CCDC110: variants seen among roughly 807,000 people sequenced by gnomAD.
CCDC110 encodes the protein coiled-coil domain containing 110, also known as coiled-coil domain-containing protein 110.
CCDC110 carries 70 observed loss-of-function variants against 77.1 expected under a neutral mutation model. The ratio of observed to expected loss-of-function variants is 0.91; its 90% CI spans 0.75 to 1.11. The LOEUF (loss-of-function observed/expected upper bound fraction) is 1.11. Ranked by LOEUF, CCDC110 falls within the 50% of genes least tolerant of loss-of-function variation. The pLI is 0.00. For synonymous variants in CCDC110, 295 were observed against 312.5 expected (o/e 0.94, Z 0.59); for missense variants, 868 against 942.9 (o/e 0.92, Z 1.04).
chr4:185,460,425 T>C (rs2095644000), intron 5 of CCDC110, among the ~76,000 whole-genome samples, 187 bp from the exon 6 acceptor site: 1 of 152,352 alleles, frequency 6.6e-6, no homozygotes, highest in East Asian at 1.9e-4. Flanking sequence ...GTAACTCTGG[T>C]CCTCACAATT....
intron 2 of CCDC110, chr4:185,470,674 G>C (rs1422247064): frequency 1.8e-6 from 1 of 559,210 alleles, no homozygotes; most frequent in South Asian, 1.5e-5. Context: ...CTCGCTGCCT[G>C]TGTGACCTTA....
Position 185,463,622 on chromosome 4 carries a change from T to A in CCDC110, c.116-573A>T, listed in dbSNP as rs1261411793. On this transcript the variant is annotated intron_variant, in intron 2 of 6. Coordinates refer to ENST00000307588, the MANE Select transcript of CCDC110 (RefSeq NM_152775.4). The stretch of plus-strand genomic sequence containing the variant: ...ACTTCTTTACCAAGGGGACTCTTTT[T>A]AAAGTCCTCGTTCACAGCCTGTGCT... Among the ~76,000 whole-genome samples, 8 of 152,340 alleles carry A rather than the reference T, an allele frequency of 5.3e-5. No individual in the cohort carries two copies. In the East Asian group the frequency reaches 1.3e-3, roughly 26 times the overall value.
intron 2 of CCDC110, chr4:185,470,683 T>C (rs1423220662): frequency 7.0e-6 from 4 of 570,678 alleles, no homozygotes; most frequent in Non-Finnish European, 1.0e-5. Context: ...TGTGTGACCT[T>C]AGGGAGTTAA....
chr4:185,458,571 G>C lies in CCDC110; in HGVS notation c.2016C>G (p.Ala672=), dbSNP rs138489313. The C allele has an allele frequency of 3.7e-6, 6 of 1,607,364 alleles. No individual in the cohort carries two copies. Among genetic ancestry groups the C allele is most frequent in the East Asian group, 2.2e-5 (1 of 44,716 alleles). Residue 672 remains alanine, a synonymous_variant, in exon 6 of 7, where the codon GCC becomes GCG. Coordinates refer to ENST00000307588, the MANE Select transcript of CCDC110 (RefSeq NM_152775.4). ...IENIQTYQST[A]EENFLQEIKN... ...TTATTTCTTGCAGAAAATTCTCTTC[G>C]GCAGTAGATTGGTAGGTTTGAATAT... is the stretch of plus-strand genomic sequence containing the variant.
intron 2 of CCDC110, among the ~76,000 whole-genome samples, chr4:185,466,673 G>T (rs528940224): frequency 4.6e-5 from 7 of 152,000 alleles, no homozygotes; most frequent in Admixed American, 6.6e-5. Flanking sequence ...AGGCTCAAGC[G>T]ATCCTCCCAT....
chr4:185,446,308 C>T (rs2095611102), intron 6 of CCDC110, among the ~76,000 whole-genome samples: 1 of 152,136 alleles, frequency 6.6e-6, no homozygotes, highest in Non-Finnish European at 1.5e-5. Flanking sequence ...TACATGAATT[C>T]TTTTGGGAAA....
Position 185,462,935 on chromosome 4 carries a change from T to C in CCDC110, c.171+59A>G, listed in dbSNP as rs1407335138. On this transcript the variant is annotated intron_variant, in intron 3 of 6. Transcript: ENST00000307588. Reference sequence around the variant, plus strand: ...GTTTGCATTTAGGGAGTATTTATTCTGAAAAAGATCAGCCTTTACCCAGAA... The same window carrying C: ...GTTTGCATTTAGGGAGTATTTATTCCGAAAAAGATCAGCCTTTACCCAGAA... 27 of 1,381,486 alleles carry C rather than the reference T, an allele frequency of 2.0e-5. No homozygotes were observed. The East Asian group carries it at 5.7e-4, about 29-fold the overall frequency. 85.6% of individuals were successfully genotyped at this position (1,381,486 alleles called of 1,614,324 possible). A position where few individuals can be genotyped will look rare whatever the true frequency, so the allele number is the denominator to read the frequency against.
intron 6 of CCDC110, 61 bp from the exon 7 acceptor site, chr4:185,445,603 G>A: frequency 9.4e-7 from 1 of 1,062,200 alleles, no homozygotes; most frequent in South Asian, 1.5e-5. Context: ...AATGCTTTGA[G>A]AAAAAGTATA....
chr4:185,464,838 ATT>A (rs201233841), intron 2 of CCDC110, among the ~76,000 whole-genome samples: 2 of 151,832 alleles, frequency 1.3e-5, no homozygotes, highest in East Asian at 3.9e-4. Context: ...TAGTATTTGG[ATT>A]TTTTTTTACT....
intron 6 of CCDC110, 197 bp downstream of exon 6, chr4:185,457,929 T>A: frequency 1.6e-6 from 1 of 615,482 alleles, no homozygotes; most frequent in Non-Finnish European, 2.5e-6. Context: ...ACAATGCACA[T>A]AATATAAACA....
rs780971164 is a variant in CCDC110 at position 185,459,407 on chromosome 4, CTTTCA to C, written c.1175_1179del (p.Met392ArgfsTer17). 1.6e-5 allele frequency: 25 copies of C among 1,612,114 alleles called. 1 individual carries two copies. The Middle Eastern group carries it at 2.8e-3, about 181-fold the overall frequency. On this transcript the variant is annotated frameshift_variant, in exon 6 of 7. Coordinates refer to ENST00000307588, the MANE Select transcript of CCDC110 (RefSeq NM_152775.4). LOFTEE classifies it high-confidence loss of function. ...ACTAGAAATGGTTGTCTTTCTTTGT[CTTTCA>C]TTTCATGTTTTGTTTGGTCGAGGAA...
At chr4:185,453,856 C>T (rs2153319100) in intron 6 of CCDC110, among the ~76,000 whole-genome samples, 1 of 148,660 alleles carries the variant, frequency 6.7e-6, no homozygotes, top group South Asian at 2.1e-4. Context: ...TCTTGTTGCA[C>T]AGGCTGGAGT....
chr4:185,452,888 CAAAA>C (rs70962569), intron 6 of CCDC110, among the ~76,000 whole-genome samples: 20,258 of 65,200 alleles, frequency 0.31, 1,011 homozygotes, highest in East Asian at 0.5. Context: ...GAGTGAGACT[CAAAA>C]AAAAAAAAAA....
chr4:185,458,354 G>C lies in CCDC110; in HGVS notation c.2233C>G (p.Leu745Val), dbSNP rs756049140. ...ATGCTTCTTACGTAATTTTCTAAAAGTATTTTGTCTTCAGTAAGTCTACTG... is the reference window on the plus strand; with the variant it reads ...ATGCTTCTTACGTAATTTTCTAAAACTATTTTGTCTTCAGTAAGTCTACTG... ...SISRLTEDKI[L>V]LENYVRSIEN... The change falls in exon 6 of 7, where the codon CTT becomes GTT. Residue 745 changes from leucine to valine, a missense_variant. Coordinates refer to ENST00000307588, the MANE Select transcript of CCDC110 (RefSeq NM_152775.4). 6.3e-7 allele frequency: 1 copy of C among 1,586,640 alleles called. No individual in the cohort carries two copies. Among genetic ancestry groups the C allele is most frequent in the Non-Finnish European group, 8.5e-7 (1 of 1,171,304 alleles).
At chr4:185,446,632 G>A (rs1215735618) in intron 6 of CCDC110, among the ~76,000 whole-genome samples, 1 of 152,092 alleles carries the variant, frequency 6.6e-6, no homozygotes, top group Non-Finnish European at 1.5e-5. Context: ...TTTATGTTGA[G>A]AGTTTGCAAG....
chr4:185,465,752 T>C (rs1422395023), intron 2 of CCDC110, among the ~76,000 whole-genome samples: 8 of 152,166 alleles, frequency 5.3e-5, no homozygotes, highest in African/African-American at 1.9e-4. Context: ...GAGATGAAGA[T>C]ATCTTGGACT....
chr4:185,446,073 T>A (rs903166460), intron 6 of CCDC110, among the ~76,000 whole-genome samples: 1 of 152,100 alleles, frequency 6.6e-6, no homozygotes, highest in Non-Finnish European at 1.5e-5. Context: ...ACTCCCGACC[T>A]CAGGTGATCC....
chr4:185,464,933 T>A (rs994350183), intron 2 of CCDC110, among the ~76,000 whole-genome samples: 9 of 152,204 alleles, frequency 5.9e-5, no homozygotes. Context: ...AAACCTTTAT[T>A]GTTTCAATAA....
intron 1 of CCDC110, 198 bp downstream of exon 1, chr4:185,471,476 C>T (rs1299637346): frequency 5.3e-6 from 3 of 562,522 alleles, no homozygotes; most frequent in Non-Finnish European, 2.9e-6. Flanking sequence ...ACCACGTAGC[C>T]AGCCTGTAAG....
Sources: gnomAD v4.1 joint callset for allele counts (sites outside exome capture counted in the v4.1 genomes callset) on GRCh38, gnomAD v4.1.1 for gene constraint, MANE v1.5 for transcripts, NCBI Gene and HGNC (gene_info 2026-07-23, HGNC 2026-07-21) for gene names.